The following UNC79 variants were observed in gnomAD, a reference collection of about 807,000 sequenced individuals.
UNC79 encodes protein unc-79 homolog.
Under a neutral mutation model 283.1 loss-of-function variants are expected in UNC79, and 37 were observed. That is an observed-to-expected ratio of 0.13 (90% CI 0.10 to 0.17). UNC79 has a LOEUF of 0.17. Among genes scored for constraint, UNC79 ranks in the 10% least tolerant of loss-of-function variants. The pLI, the probability that UNC79 is intolerant of heterozygous loss-of-function variation, is 1.00. For missense variants in UNC79, 2,272 were observed against 3,211.1 expected (o/e 0.71, Z 7.07); for synonymous variants, 1,107 against 1,200.2 (o/e 0.92, Z 1.61).
At chr14:93,482,759 G>A (rs1217768662) in intron 4 of UNC79, among the ~76,000 whole-genome samples, 2 of 152,098 alleles carry the variant, frequency 1.3e-5, no homozygotes, top group Admixed American at 6.5e-5. Context: ...AGTAGCTTCC[G>A]AACTGGTCTC....
At chr14:93,674,553 C>T (rs538467394) in intron 41 of UNC79, among the ~76,000 whole-genome samples, 1 of 152,288 alleles carries the variant, frequency 6.6e-6, no homozygotes, top group Non-Finnish European at 1.5e-5. Flanking sequence ...AGTGCCCAGC[C>T]ATTGCATCAC....
chr14:93,586,063 G>A (rs577567991), intron 20 of UNC79, among the ~76,000 whole-genome samples: 3 of 152,188 alleles, frequency 2.0e-5, no homozygotes, highest in South Asian at 4.2e-4. Context: ...TGTATTTTCA[G>A]TAGAGATGGG....
chr14:93,639,899 A>G (rs1346539632), intron 32 of UNC79, among the ~76,000 whole-genome samples: 3 of 152,242 alleles, frequency 2.0e-5, no homozygotes, highest in African/African-American at 7.2e-5. Context: ...TATTTGAGGA[A>G]AGGTCATACC....
At chr14:93,387,977 C>T (rs781245690) in intron 1 of UNC79, among the ~76,000 whole-genome samples, 4 of 152,288 alleles carry the variant, frequency 2.6e-5, no homozygotes, top group Admixed American at 6.5e-5. Context: ...TTTCTTATTA[C>T]GTAGTGACCT....
chr14:93,558,593 A>ATTTTTTTTTTTTTTTTTTTTTTTT (rs71129647), intron 14 of UNC79, among the ~76,000 whole-genome samples: 1 of 62,764 alleles, frequency 1.6e-5, no homozygotes. Context: ...AGAAACAGGG[A>ATTTTTTTTTTTTTTTTTTTTTTTT]TTTTTTTTTT....
At chr14:93,537,898 G>A in intron 11 of UNC79, 91 bp from the exon 12 acceptor site, 2 of 1,260,978 alleles carry the variant, frequency 1.6e-6, no homozygotes, top group South Asian at 3.1e-5. Context: ...TTGTCACTTC[G>A]AGTGGCCCCT....
intron 38 of UNC79, among the ~76,000 whole-genome samples, chr14:93,657,299 A>G (rs894930711): frequency 6.6e-6 from 1 of 152,148 alleles, no homozygotes; most frequent in Non-Finnish European, 1.5e-5. Flanking sequence ...TCAGGGCTTC[A>G]CTGCTAAAGA....
intron 11 of UNC79, among the ~76,000 whole-genome samples, chr14:93,537,630 GT>G (rs906844402): frequency 6.6e-6 from 1 of 152,102 alleles, no homozygotes; most frequent in African/African-American, 2.4e-5. Flanking sequence ...CCATGGTTCT[GT>G]TTTTTTCTTT....
chr14:93,358,546 G>A (rs2054157569), intron 1 of UNC79, among the ~76,000 whole-genome samples: 1 of 152,186 alleles, frequency 6.6e-6, no homozygotes, highest in African/African-American at 2.4e-5. Context: ...CTCACCAGGT[G>A]TCTACTGTTA....
chr14:93,435,648 C>A (rs2056058771), intron 1 of UNC79, among the ~76,000 whole-genome samples: 1 of 152,166 alleles, frequency 6.6e-6, no homozygotes, highest in African/African-American at 2.4e-5. Flanking sequence ...CTTTTTAGAT[C>A]AGTCATTTTG....
chr14:93,571,697 G>A (rs1343609414), intron 14 of UNC79, among the ~76,000 whole-genome samples, 197 bp from the exon 15 acceptor site: 1 of 152,144 alleles, frequency 6.6e-6, no homozygotes, highest in African/African-American at 2.4e-5. Context: ...TCGTAACTAT[G>A]TTTTCCTTTC....
intron 31 of UNC79, among the ~76,000 whole-genome samples, chr14:93,635,460 T>G (rs1228528840): frequency 6.6e-6 from 1 of 152,270 alleles, no homozygotes; most frequent in African/African-American, 2.4e-5. Context: ...TCGGACTCTT[T>G]TAGTATCGTG....
chr14:93,465,347 T>C (rs1270735914), intron 1 of UNC79, among the ~76,000 whole-genome samples: 1 of 152,208 alleles, frequency 6.6e-6, no homozygotes, highest in Non-Finnish European at 1.5e-5. Context: ...ATGAATATAT[T>C]GAGTCCCTAC....
At chr14:93,405,283 C>CA (rs11289076) in intron 1 of UNC79, among the ~76,000 whole-genome samples, 320 of 120,584 alleles carry the variant, frequency 2.7e-3, no homozygotes, top group African/African-American at 5.3e-3. Flanking sequence ...AACTCCATCT[C>CA]AAAAAAAAAA....
chr14:93,465,204 C>T lies in UNC79; in HGVS notation c.23-2467C>T, dbSNP rs1415112666. Among the ~76,000 whole-genome samples, 5 of 152,028 alleles carry T rather than the reference C, an allele frequency of 3.3e-5. No individual in the cohort carries two copies. In the East Asian group the frequency reaches 5.8e-4, roughly 18 times the overall value. On this transcript the variant is annotated intron_variant, in intron 1 of 48. Coordinates refer to ENST00000555664, the Ensembl canonical transcript of UNC79. ...TAAGGATGAAGAGTCCACAATCTAT[C>T]GTATGTCTATATGCAGGTATATATG...
At chr14:93,505,365 T>A (rs2059479721) in intron 7 of UNC79, among the ~76,000 whole-genome samples, 1 of 152,120 alleles carries the variant, frequency 6.6e-6, no homozygotes, top group South Asian at 2.1e-4. Flanking sequence ...AAGTTTAGAA[T>A]GCAGTATCTT....
chr14:93,411,209 G>C (rs1472381663), intron 1 of UNC79, among the ~76,000 whole-genome samples: 1 of 152,166 alleles, frequency 6.6e-6, no homozygotes, highest in Non-Finnish European at 1.5e-5. Context: ...AGGCCCCTCT[G>C]CCTCTAGAAA....
chr14:93,686,675 C>G lies in UNC79; in HGVS notation c.6909+14C>G, dbSNP rs1467607065. ...ACCAAACTGAAGGTGAGATGACCGCCACCTGCTCATCCCTCAGGTTCACAA... is the reference window on the plus strand; with the variant it reads ...ACCAAACTGAAGGTGAGATGACCGCGACCTGCTCATCCCTCAGGTTCACAA... On this transcript the variant is annotated intron_variant, in intron 43 of 48. Transcript: ENST00000555664. 1 of 1,613,854 alleles carries G rather than the reference C, an allele frequency of 6.2e-7. No homozygotes were observed. The highest frequency in any genetic ancestry group is 1.7e-5 in the Admixed American group (1 of 60,014).
At chr14:93,642,633 A>G (rs1386524994) in intron 33 of UNC79, among the ~76,000 whole-genome samples, 4 of 151,646 alleles carry the variant, frequency 2.6e-5, no homozygotes, top group African/African-American at 7.3e-5. Context: ...CTTTGGGATT[A>G]CCCCGCTCCC....
Sources: gnomAD v4.1 joint callset for allele counts (sites outside exome capture counted in the v4.1 genomes callset) on GRCh38, gnomAD v4.1.1 for gene constraint, MANE v1.5 for transcripts, NCBI Gene and HGNC (gene_info 2026-07-23, HGNC 2026-07-21) for gene names.